The following VWDE variants were observed in gnomAD, a reference collection of about 807,000 sequenced individuals.
The protein encoded by VWDE is von Willebrand factor D and EGF domain-containing protein.
VWDE carries 207 observed loss-of-function variants against 178.4 expected under a neutral mutation model. The ratio of observed to expected loss-of-function variants is 1.16; its 90% CI spans 1.04 to 1.30. VWDE has a LOEUF of 1.30. Ranked by LOEUF, VWDE falls within the 50% of genes most tolerant of loss-of-function variation. The pLI is 0.00. For missense variants in VWDE, 2,287 were observed against 1,901.3 expected, an observed-to-expected ratio of 1.20 and a Z score of -3.77; for synonymous variants, 738 against 651.4, an observed-to-expected ratio of 1.13 and a Z score of -2.02.
At chr7:12,380,319 C>T (rs1783773438) in intron 5 of VWDE, among the ~76,000 whole-genome samples, 167 bp downstream of exon 5, 1 of 150,750 alleles carries the variant, frequency 6.6e-6, no homozygotes, top group African/African-American at 2.4e-5. Flanking sequence ...CTGACTCCTC[C>T]AGTTATCACG....
At chr7:12,383,438 T>G (rs1783951363) in intron 4 of VWDE, 98 bp downstream of exon 4, 1 of 973,640 alleles carries the variant, frequency 1.0e-6, no homozygotes, top group Non-Finnish European at 1.6e-6. Flanking sequence ...ATATCAAATA[T>G]CAATATAATT....
chr7:12,386,793 A>G (rs1784119232), intron 3 of VWDE, among the ~76,000 whole-genome samples: 2 of 152,154 alleles, frequency 1.3e-5, no homozygotes, highest in African/African-American at 4.8e-5. Context: ...TTCATTCATC[A>G]ATTGCAATTT....
At chr7:12,352,118 G>A (rs757563287) in intron 18 of VWDE, among the ~76,000 whole-genome samples, 2 of 152,046 alleles carry the variant, frequency 1.3e-5, no homozygotes, top group African/African-American at 4.8e-5. Flanking sequence ...AACCCTACTC[G>A]CACCTTAATC....
Position 12,373,161 on chromosome 7 carries a change from C to T in VWDE, c.1403G>A (p.Cys468Tyr). Residue 468 changes from cysteine (C) to tyrosine (Y), a missense_variant, in exon 10 of 29, where the codon TGC becomes TAC. By Grantham distance (194) the Cys-to-Tyr change is radical. Transcript: ENST00000275358. ...DFEVHVRQWD[C>Y]RSLHYPVSCN... Reference sequence around the variant, plus strand: ...TGACACTGGATAGTGAAGGCTTCTGCAGTCCCACTGACGTACATGGACTTC... The same window carrying T: ...TGACACTGGATAGTGAAGGCTTCTGTAGTCCCACTGACGTACATGGACTTC... The T allele has an allele frequency of 6.4e-7, 1 of 1,551,324 alleles. No individual in the cohort carries two copies.
rs1297935152 is a variant in VWDE at position 12,357,266 on chromosome 7, T to C, written c.3524A>G (p.Glu1175Gly). The C allele has an allele frequency of 1.9e-6, 3 of 1,551,818 alleles. No individual in the cohort carries two copies. The highest frequency in any genetic ancestry group is 1.4e-5 in the African/African-American group (1 of 73,026). The change falls in exon 17 of 29, where the codon GAG becomes GGG. Residue 1175 changes from glutamate (E) to glycine (G), a missense_variant and splice_region_variant. By Grantham distance (98) the Glu-to-Gly change is moderately conservative. Coordinates refer to ENST00000275358, the MANE Select transcript of VWDE (RefSeq NM_001135924.3). ...CACTTATGTAATTATAAAGATTACC[T>C]CAATCGTGACTCTAGTTTCAGCATC... ...DCDAETRVTI[E>G]VTVKSCDCLN...
chr7:12,337,873 T>G (rs1435360904), intron 24 of VWDE, among the ~76,000 whole-genome samples: 2 of 152,136 alleles, frequency 1.3e-5, no homozygotes, highest in African/African-American at 4.8e-5. Flanking sequence ...TTTATGAAAT[T>G]CAGAGTAACG....
chr7:12,359,680 T>A lies in VWDE; in HGVS notation c.3172A>T (p.Ile1058Phe). Reference protein sequence around the residue: ...DSCTIKENVCIIDGLCYVEGD... With the variant: ...DSCTIKENVCFIDGLCYVEGD... ...TCAACATAGCAGAGTCCATCAATAATGCAAACATTTTCCTAATGGAAAATT... is the reference window on the plus strand; with the variant it reads ...TCAACATAGCAGAGTCCATCAATAAAGCAAACATTTTCCTAATGGAAAATT... Residue 1058 changes from isoleucine to phenylalanine, a missense_variant, in exon 16 of 29, where the codon ATT (isoleucine) becomes TTT (phenylalanine). Coordinates refer to ENST00000275358, the MANE Select transcript of VWDE (RefSeq NM_001135924.3). 1.3e-6 allele frequency: 2 copies of A among 1,542,390 alleles called. No individual in the cohort carries two copies. Among genetic ancestry groups the A allele is most frequent in the East Asian group, 4.9e-5 (2 of 40,744 alleles).
At chr7:12,348,267 C>T (rs1157049667) in intron 19 of VWDE, among the ~76,000 whole-genome samples, 3 of 148,816 alleles carry the variant, frequency 2.0e-5, no homozygotes, top group Non-Finnish European at 4.4e-5. Context: ...GCAAAAGAAA[C>T]TACCATCAGA....
In VWDE at chr7:12,373,034, G is replaced by C. The variant is rs954798637; in HGVS notation, c.1530C>G (p.Ser510Arg). ...RESQPYLFIK[S>R]QDVTRNIKIS... is the part of the protein sequence containing the mutation. ...TCTTGATATTCCTGGTTACATCTTG[G>C]CTTTTTATGAACAAATATGGTTGTG... Residue 510 changes from serine (S) to arginine (R), a missense_variant, in exon 10 of 29, where the codon AGC (serine) becomes AGG (arginine). Physicochemically the swap from Ser to Arg is moderately radical, Grantham distance 110. Transcript: ENST00000275358. 5.8e-6 allele frequency: 9 copies of C among 1,550,934 alleles called. No individual in the cohort carries two copies. Among genetic ancestry groups the C allele is most frequent in the Non-Finnish European group, 7.8e-6 (9 of 1,146,648 alleles).
chr7:12,343,078 C>T lies in VWDE; in HGVS notation c.4174+5G>A, dbSNP rs1331731187. 4.5e-6 allele frequency: 7 copies of T among 1,546,792 alleles called. No homozygotes were observed. In the Admixed American group the frequency reaches 5.9e-5, roughly 13 times the overall value. ...TATATCAGACATCAGGAGAGCTTTG[C>T]TTACTTGTTTCACACCTTGGTCCTA... is the stretch of plus-strand genomic sequence containing the variant. On this transcript the variant is annotated splice_donor_5th_base_variant and intron_variant, in intron 22 of 28. Transcript: ENST00000275358.
At chr7:12,384,313 A>G (rs1783993997) in intron 3 of VWDE, among the ~76,000 whole-genome samples, 1 of 152,050 alleles carries the variant, frequency 6.6e-6, no homozygotes, top group South Asian at 2.1e-4. Flanking sequence ...CTATGGAGAC[A>G]GTAAAAAGAG....
intron 1 of VWDE, among the ~76,000 whole-genome samples, chr7:12,403,191 C>T (rs1784992977): frequency 6.6e-6 from 1 of 152,078 alleles, no homozygotes; most frequent in Non-Finnish European, 1.5e-5. Context: ...CAAAACTTAA[C>T]TTGGTGATTT....
chr7:12,351,286 G>A lies in VWDE; in HGVS notation c.3886+287C>T, dbSNP rs188260288. 2.6e-5 allele frequency among the ~76,000 whole-genome samples: 4 copies of A among 152,226 alleles called. No homozygotes were observed. The East Asian group carries it at 7.7e-4, about 29-fold the overall frequency. On this transcript the variant is annotated intron_variant, in intron 19 of 28. Coordinates refer to ENST00000275358, the MANE Select transcript of VWDE (RefSeq NM_001135924.3). ...AGATACTGGATGACCAGTTTCCAGG[G>A]ATTTATAAAATATAAGTTTGAAATA... is the stretch of plus-strand genomic sequence containing the variant.
intron 7 of VWDE, 108 bp downstream of exon 7, chr7:12,377,667 AT>A: frequency 1.6e-6 from 1 of 630,942 alleles, no homozygotes; most frequent in Non-Finnish European, 2.3e-6. Context: ...TGATGTCAAC[AT>A]GCAACATGAT....
At chr7:12,403,622 A>G (rs973623579) in intron 1 of VWDE, 37 bp downstream of exon 1, 6 of 1,527,718 alleles carry the variant, frequency 3.9e-6, no homozygotes, top group Non-Finnish European at 3.5e-6. Flanking sequence ...ACGCGGCGCC[A>G]CTGCGCGCCC....
chr7:12,379,865 C>A (rs1453431541), intron 5 of VWDE, among the ~76,000 whole-genome samples: 1 of 152,020 alleles, frequency 6.6e-6, no homozygotes, highest in African/African-American at 2.4e-5. Context: ...GAGGCCGAGG[C>A]GGGCGGATCA....
chr7:12,336,127 T>A lies in VWDE; in HGVS notation c.4654+14A>T. 1 of 1,546,992 alleles carries A rather than the reference T, an allele frequency of 6.5e-7. No homozygotes were observed. Among genetic ancestry groups the A allele is most frequent in the South Asian group, 1.2e-5 (1 of 83,510 alleles). On this transcript the variant is annotated intron_variant, in intron 27 of 28. Coordinates refer to ENST00000275358, the MANE Select transcript of VWDE (RefSeq NM_001135924.3). The stretch of plus-strand genomic sequence containing the variant: ...TTCAGAACATATAGTAGGAAAAACA[T>A]CCTGTGGGCTTACGTATTTGACACC...
At chr7:12,360,894 T>A (rs1328331357) in intron 15 of VWDE, among the ~76,000 whole-genome samples, 1 of 152,170 alleles carries the variant, frequency 6.6e-6, no homozygotes, top group East Asian at 1.9e-4. Flanking sequence ...AGGAGTGAAG[T>A]AGTAAATAAT....
chr7:12,338,705 GT>G (rs902378904), intron 24 of VWDE, among the ~76,000 whole-genome samples: 3 of 152,080 alleles, frequency 2.0e-5, no homozygotes, highest in African/African-American at 7.2e-5. Flanking sequence ...GCCTCATTCT[GT>G]CACCAAATCC....
Sources: gnomAD v4.1 joint callset for allele counts (sites outside exome capture counted in the v4.1 genomes callset) on GRCh38, gnomAD v4.1.1 for gene constraint, MANE v1.5 for transcripts, NCBI Gene and HGNC (gene_info 2026-07-23, HGNC 2026-07-21) for gene names.